The following KIF26B variants were observed in gnomAD, a reference collection of about 807,000 sequenced individuals.
KIF26B encodes kinesin family member 26B, also known as kinesin-like protein KIF26B.
Under a neutral mutation model 151.2 loss-of-function variants are expected in KIF26B, and 63 were observed. That is an observed-to-expected ratio of 0.42 (90% CI 0.34 to 0.51). The LOEUF is 0.51. Among genes scored for constraint, KIF26B ranks in the 20% least tolerant of loss-of-function variants. The probability of loss-of-function intolerance (pLI) is 0.07; values close to 1 mark genes in which losing one functional copy is unlikely to be tolerated. For missense variants in KIF26B, 2,813 were observed against 2,913.6 expected (o/e 0.97, Z 0.79); for synonymous variants, 1,357 against 1,262.1 (o/e 1.08, Z -1.59).
At chr1:245,676,037 G>A (rs1180891398) in intron 10 of KIF26B, among the ~76,000 whole-genome samples, 2 of 152,116 alleles carry the variant, frequency 1.3e-5, no homozygotes, top group East Asian at 1.9e-4. Flanking sequence ...CTGTTACCAT[G>A]GCAGTGCTTT....
At chr1:245,451,103 T>C (rs1659380465) in intron 4 of KIF26B, among the ~76,000 whole-genome samples, 1 of 152,140 alleles carries the variant, frequency 6.6e-6, no homozygotes, top group African/African-American at 2.4e-5. Context: ...ATTTGCTACC[T>C]CATTTATTTC....
chr1:245,255,215 A>G (rs1670510675), intron 2 of KIF26B, among the ~76,000 whole-genome samples: 1 of 152,188 alleles, frequency 6.6e-6, no homozygotes, highest in African/African-American at 2.4e-5. Context: ...TGGACTTCCT[A>G]GTTTCCAGAA....
At chr1:245,351,293 C>T (rs563193860) in intron 2 of KIF26B, among the ~76,000 whole-genome samples, 9 of 152,264 alleles carry the variant, frequency 5.9e-5, no homozygotes, top group South Asian at 4.2e-4. Flanking sequence ...GCTGTTGATA[C>T]GTGGGCCTTG....
chr1:245,334,069 C>T (rs1189769781), intron 2 of KIF26B, among the ~76,000 whole-genome samples: 1 of 151,926 alleles, frequency 6.6e-6, no homozygotes, highest in African/African-American at 2.4e-5. Flanking sequence ...TTATTTGGGG[C>T]TTAGAAGGAA....
rs759804344 is a variant in KIF26B at position 245,702,593 on chromosome 1, C to G, written c.6314C>G (p.Ser2105Cys). The stretch of plus-strand genomic sequence containing the variant: ...ATGATCACCTGCTTCGACATCACCT[C>G]CAGGCGCCGGTAGATGAGCCAGACC... Reference protein sequence around the residue: ...LMMITCFDITSRRR With the variant: ...LMMITCFDITCRRR The change falls in exon 15 of 15, where the codon TCC becomes TGC. Residue 2105 changes from serine (S) to cysteine (C), a missense_variant. Coordinates refer to ENST00000407071, the MANE Select transcript of KIF26B (RefSeq NM_018012.4). The surrounding 1 kb of genome is among the most constrained non-coding windows in gnomAD (Gnocchi z 4.1). 5.0e-6 allele frequency: 8 copies of G among 1,613,886 alleles called. No individual in the cohort carries two copies. The highest frequency in any genetic ancestry group is 5.9e-6 in the Non-Finnish European group (7 of 1,179,836).
chr1:245,428,989 T>TGGGGGGGGGGGGGGG (rs1558162150), intron 4 of KIF26B, among the ~76,000 whole-genome samples: 74 of 81,670 alleles, frequency 9.1e-4, no homozygotes, highest in South Asian at 1.3e-3. Flanking sequence ...GGGGCGGGGG[T>TGGGGGGGGGGGGGGG]GGGGGGCAGT....
At position 245,241,897 on chromosome 1, in the gene KIF26B, C is replaced by T. The variant is rs1482764940; in HGVS notation, c.465+85214C>T. The stretch of plus-strand genomic sequence containing the variant: ...CTCAGGTGGCCTTCAAGGCTCATTC[C>T]TGACTCACCCAGCCTCATCTCCAGC... On this transcript the variant is annotated intron_variant, in intron 2 of 14. Transcript: ENST00000407071. This position sits in a 1 kb window ranked among gnomAD's most constrained non-coding sequence, Gnocchi z 5.0. Among the ~76,000 whole-genome samples, 2 of 152,174 alleles carry T rather than the reference C, an allele frequency of 1.3e-5. No homozygotes were observed. Among genetic ancestry groups the T allele is most frequent in the Non-Finnish European group, 2.9e-5 (2 of 68,028 alleles).
chr1:245,593,500 C>T (rs568933378), intron 5 of KIF26B, among the ~76,000 whole-genome samples: 1,767 of 152,296 alleles, frequency 0.012, 36 homozygotes, highest in African/African-American at 0.041. Flanking sequence ...AGGACATGAA[C>T]TCATCCTTTT....
At chr1:245,329,380 C>T (rs1294512774) in intron 2 of KIF26B, among the ~76,000 whole-genome samples, 1 of 152,224 alleles carries the variant, frequency 6.6e-6, no homozygotes, top group Non-Finnish European at 1.5e-5. Flanking sequence ...GTGGGAAGGG[C>T]AGAGTGGACT....
At chr1:245,629,409 A>C (rs189338314) in intron 9 of KIF26B, among the ~76,000 whole-genome samples, 109 of 152,310 alleles carry the variant, frequency 7.2e-4, no homozygotes, top group Non-Finnish European at 1.3e-3. Context: ...ATATAGACCA[A>C]TGGAACAGAA....
chr1:245,275,396 C>T (rs1222930467), intron 2 of KIF26B, among the ~76,000 whole-genome samples: 1 of 152,120 alleles, frequency 6.6e-6, no homozygotes, highest in East Asian at 1.9e-4. Context: ...GTCATGAAGT[C>T]CTTGCCCATG....
intron 2 of KIF26B, among the ~76,000 whole-genome samples, chr1:245,291,508 G>A (rs1671252423): frequency 6.6e-6 from 1 of 152,128 alleles, no homozygotes; most frequent in African/African-American, 2.4e-5. Flanking sequence ...CAGGCCTTGT[G>A]TGGCTGTCAG....
At chr1:245,254,637 T>G (rs1364044181) in intron 2 of KIF26B, among the ~76,000 whole-genome samples, 5 of 152,124 alleles carry the variant, frequency 3.3e-5, no homozygotes, top group African/African-American at 1.2e-4. Context: ...GAAGAGTGAC[T>G]GGGGAGGAAA....
chr1:245,253,988 T>C (rs1431372382), intron 2 of KIF26B, among the ~76,000 whole-genome samples: 1 of 151,874 alleles, frequency 6.6e-6, no homozygotes, highest in Non-Finnish European at 1.5e-5. Context: ...TTTTTTGTAT[T>C]TTTAGTAGAG....
intron 3 of KIF26B, among the ~76,000 whole-genome samples, chr1:245,397,848 A>G (rs1410002834): frequency 6.6e-6 from 1 of 152,150 alleles, no homozygotes; most frequent in Non-Finnish European, 1.5e-5. Flanking sequence ...CCATTAATTG[A>G]TTTGTTCATT....
chr1:245,282,902 T>G, intron 2 of KIF26B: 1 of 307,394 alleles, frequency 3.3e-6, no homozygotes, highest in Non-Finnish European at 6.7e-6. Flanking sequence ...GTATTAATGC[T>G]GCTTCCCATT....
At chr1:245,279,052 T>A (rs377382738) in intron 2 of KIF26B, among the ~76,000 whole-genome samples, 1 of 152,130 alleles carries the variant, frequency 6.6e-6, no homozygotes, top group African/African-American at 2.4e-5. Context: ...GCCTCTGTCA[T>A]GCTTACGGAG....
chr1:245,334,791 A>G (rs1294633601), intron 2 of KIF26B, among the ~76,000 whole-genome samples: 1 of 152,240 alleles, frequency 6.6e-6, no homozygotes, highest in Non-Finnish European at 1.5e-5. Flanking sequence ...ACCTCCGTCA[A>G]GTACTTTCCA....
At chr1:245,312,609 A>G (rs1015610794) in intron 2 of KIF26B, among the ~76,000 whole-genome samples, 2 of 151,258 alleles carry the variant, frequency 1.3e-5, no homozygotes, top group African/African-American at 4.9e-5. Flanking sequence ...TAAACTTCAC[A>G]TCAACTCTTA....
Sources: allele counts gnomAD v4.1 joint callset (sites outside exome capture counted in the v4.1 genomes callset), GRCh38; gene constraint gnomAD v4.1.1; non-coding constraint Gnocchi (gnomAD v3.1); transcripts MANE v1.5; gene names NCBI Gene and HGNC (gene_info 2026-07-23, HGNC 2026-07-21).